The following RPRD2 variants were observed in gnomAD, a reference collection of about 807,000 sequenced individuals.
The protein encoded by RPRD2 is regulation of nuclear pre-mRNA domain containing 2.
Under a neutral mutation model 104.4 loss-of-function variants are expected in RPRD2, and 12 were observed. The ratio of observed to expected loss-of-function variants is 0.11; its 90% CI spans 0.07 to 0.19. The LOEUF is 0.19. RPRD2 is among the 10% of genes least tolerant of loss of function. The probability of loss-of-function intolerance (pLI) is 1.00; values close to 1 mark genes in which losing one functional copy is unlikely to be tolerated. For synonymous variants in RPRD2, 714 were observed against 684.9 expected (o/e 1.04, Z -0.66); for missense variants, 1,543 against 1,790.1 (o/e 0.86, Z 2.49).
In RPRD2 at chr1:150,471,948, C is replaced by A; in HGVS notation, c.3000C>A (p.Thr1000=). Residue 1000 remains threonine, a synonymous_variant, in exon 11 of 11, where the codon ACC becomes ACA. Transcript: ENST00000369068. This position sits in a 1 kb window ranked among gnomAD's most constrained non-coding sequence, Gnocchi z 5.3. ...GCGTGGAGAAAGTCCTGGCCTCCAC[C>A]ATTTCCACCACGTCGACGATTGAAT... is the stretch of plus-strand genomic sequence containing the variant. The part of the protein sequence containing the change: ...TSGVEKVLAS[T]ISTTSTIEFK... 1 of 1,613,950 alleles carries A rather than the reference C, an allele frequency of 6.2e-7. No individual in the cohort carries two copies. The highest frequency in any genetic ancestry group is 1.1e-5 in the South Asian group (1 of 91,084).
At chr1:150,413,453 ATT>A (rs1274883414) in intron 1 of RPRD2, among the ~76,000 whole-genome samples, 1 of 152,124 alleles carries the variant, frequency 6.6e-6, no homozygotes, top group African/African-American at 2.4e-5. Context: ...ATACAAAAAA[ATT>A]AGCTGGGTGC....
chr1:150,406,158 A>G (rs1275761699), intron 1 of RPRD2, among the ~76,000 whole-genome samples: 3 of 152,178 alleles, frequency 2.0e-5, no homozygotes, highest in African/African-American at 7.2e-5. Flanking sequence ...AGTTATGGCC[A>G]CGGTGCTTGA....
At position 150,458,077 on chromosome 1, in the gene RPRD2, G is replaced by A. The variant is rs138344339; in HGVS notation, c.1153+507G>A. On this transcript the variant is annotated intron_variant, in intron 8 of 10. Transcript: ENST00000369068. ...GAGCGAGACTCCGTCTTGGGGGGAC[G>A]GTCGGGGGAAAGTAGCTACTAGCTA... Among the ~76,000 whole-genome samples the A allele has an allele frequency of 1.6e-3, 247 of 152,020 alleles. 1 individual carries two copies. Among genetic ancestry groups the A allele is most frequent in the African/African-American group, 5.6e-3 (231 of 41,500 alleles).
chr1:150,412,600 A>C (rs1664020919), intron 1 of RPRD2, among the ~76,000 whole-genome samples: 1 of 152,140 alleles, frequency 6.6e-6, no homozygotes, highest in Admixed American at 6.5e-5. Flanking sequence ...TGGAACTTTG[A>C]ATTTGAGGGT....
At chr1:150,395,898 G>A (rs1356501283) in intron 1 of RPRD2, among the ~76,000 whole-genome samples, 1 of 152,182 alleles carries the variant, frequency 6.6e-6, no homozygotes, top group African/African-American at 2.4e-5. Flanking sequence ...TCTACTTTTA[G>A]TTCCTTAAGG....
chr1:150,377,553 G>A (rs895698560), intron 1 of RPRD2, among the ~76,000 whole-genome samples: 6 of 149,008 alleles, frequency 4.0e-5, no homozygotes, highest in Non-Finnish European at 8.9e-5. Flanking sequence ...AGCCGAGATC[G>A]TACCACTGCA....
intron 1 of RPRD2, among the ~76,000 whole-genome samples, chr1:150,370,572 C>CT (rs11288735): frequency 0.064 from 6,966 of 109,678 alleles, 746 homozygotes; most frequent in African/African-American, 0.22. Context: ...TCCATTTTGT[C>CT]TTTTTTTTTT....
intron 1 of RPRD2, among the ~76,000 whole-genome samples, chr1:150,388,427 CAT>C: frequency 7.7e-6 from 1 of 129,458 alleles, no homozygotes; most frequent in Non-Finnish European, 1.8e-5. Context: ...TATATATATA[CAT>C]ATATACATGT....
chr1:150,381,283 A>G (rs1445904743), intron 1 of RPRD2, among the ~76,000 whole-genome samples: 1 of 151,318 alleles, frequency 6.6e-6, no homozygotes, highest in Non-Finnish European at 1.5e-5. Flanking sequence ...ATAGGTAGAC[A>G]TGGTGGCGCG....
chr1:150,471,133 C>T lies in RPRD2; in HGVS notation c.2185C>T (p.Arg729Trp), dbSNP rs768540223. The T allele has an allele frequency of 8.7e-6, 14 of 1,613,914 alleles. No individual in the cohort carries two copies. The highest frequency in any genetic ancestry group is 5.0e-5 in the Admixed American group (3 of 60,010). Reference protein sequence around the residue: ...NIDGTPVRDERSGTPTQDEMM... With the variant: ...NIDGTPVRDEWSGTPTQDEMM... ...TGATGGAACCCCTGTACGGGATGAA[C>T]GGAGTGGGACACCCACCCAGGATGA... Residue 729 changes from arginine (R) to tryptophan (W), a missense_variant, in exon 11 of 11, where the codon CGG becomes TGG. Physicochemically the swap from Arg to Trp is moderately radical, Grantham distance 101. Transcript: ENST00000369068. This position sits in a 1 kb window ranked among gnomAD's most constrained non-coding sequence, Gnocchi z 5.3.
At chr1:150,395,864 G>A (rs1183885036) in intron 1 of RPRD2, among the ~76,000 whole-genome samples, 1 of 152,136 alleles carries the variant, frequency 6.6e-6, no homozygotes, top group African/African-American at 2.4e-5. Context: ...ACTCAGTATT[G>A]GGATTGCTGG....
At chr1:150,421,503 A>T (rs372534770) in intron 2 of RPRD2, among the ~76,000 whole-genome samples, 2 of 152,168 alleles carry the variant, frequency 1.3e-5, no homozygotes, top group African/African-American at 2.4e-5. Context: ...GTGGAAGGAT[A>T]AATATCCAAG....
chr1:150,364,839 A>G lies in RPRD2; in HGVS notation c.125A>G (p.Gln42Arg). ...QSVTNTMESI[Q>R]GLSSWCIENK... ...GTAACCAACACCATGGAGTCCATTC[A>G]AGGCTTGTCGTCTTGGTGTATAGAG... The change falls in exon 1 of 11, where the codon CAA (glutamine) becomes CGA (arginine). Residue 42 changes from glutamine to arginine, a missense_variant. Around this residue, in one of 4 missense-constraint regions of RPRD2, gnomAD observed 88 missense variants for 96.6 expected, o/e 0.91. Coordinates refer to ENST00000369068, the MANE Select transcript of RPRD2 (RefSeq NM_015203.5). 1.2e-6 allele frequency: 2 copies of G among 1,613,880 alleles called. No homozygotes were observed. The highest frequency in any genetic ancestry group is 1.7e-6 in the Non-Finnish European group (2 of 1,179,794).
chr1:150,441,028 G>A lies in RPRD2; in HGVS notation c.436+5G>A. 1 of 1,486,836 alleles carries A rather than the reference G, an allele frequency of 6.7e-7. No homozygotes were observed. The allele number at this position is 1,486,836 out of a possible 1,614,324, so 92.1% of individuals were successfully genotyped here. A position where few individuals can be genotyped will look rare whatever the true frequency, so the allele number is the denominator to read the frequency against. On this transcript the variant is annotated splice_donor_5th_base_variant and intron_variant, in intron 3 of 10. Coordinates refer to ENST00000369068, the MANE Select transcript of RPRD2 (RefSeq NM_015203.5). ...TGGCATTGAGAGAAGCTTTGAGTAA[G>A]TGTCTTTTTCTCTCCTAAAAGAAAA... is the stretch of plus-strand genomic sequence containing the variant.
intron 1 of RPRD2, among the ~76,000 whole-genome samples, chr1:150,395,233 A>C (rs1222183152): frequency 1.3e-5 from 2 of 152,178 alleles, no homozygotes; most frequent in African/African-American, 4.8e-5. Context: ...TAGCTCCCAC[A>C]TATGAGTGAG....
chr1:150,407,769 T>C (rs1412406208), intron 1 of RPRD2, among the ~76,000 whole-genome samples: 5 of 152,248 alleles, frequency 3.3e-5, no homozygotes, highest in African/African-American at 1.2e-4. Flanking sequence ...AAGATGTTGT[T>C]TTCTTCTATT....
At chr1:150,384,972 T>G (rs2102149268) in intron 1 of RPRD2, among the ~76,000 whole-genome samples, 1 of 152,124 alleles carries the variant, frequency 6.6e-6, no homozygotes, top group Admixed American at 6.6e-5. Flanking sequence ...ATGATGATTC[T>G]GGCTGTGAAT....
In RPRD2 at chr1:150,364,585, C is replaced by G. The variant is rs1553876788; in HGVS notation, c.-130C>G. 1.7e-6 allele frequency: 1 copy of G among 605,996 alleles called. No homozygotes were observed. Among genetic ancestry groups the G allele is most frequent in the Non-Finnish European group, 2.9e-6 (1 of 345,994 alleles). 37.5% of individuals were successfully genotyped at this position (605,996 alleles called of 1,614,324 possible). On this transcript the variant is annotated 5_prime_UTR_variant, in exon 1 of 11. Coordinates refer to ENST00000369068, the MANE Select transcript of RPRD2 (RefSeq NM_015203.5). ...CCTCCAGAAGAGCCCAGCGCGTGCA[C>G]CATCCCCACCCCCTAGCTTCCCTCC...
At chr1:150,375,240 C>T (rs1553879253) in intron 1 of RPRD2, among the ~76,000 whole-genome samples, 1 of 152,110 alleles carries the variant, frequency 6.6e-6, no homozygotes, top group African/African-American at 2.4e-5. Context: ...CATCCATGGC[C>T]TTAGGTGGGT....
Sources: allele counts gnomAD v4.1 joint callset (sites outside exome capture counted in the v4.1 genomes callset), GRCh38; gene constraint gnomAD v4.1.1; regional missense constraint gnomAD v4.1.1; non-coding constraint Gnocchi (gnomAD v3.1); transcripts MANE v1.5; gene names NCBI Gene and HGNC (gene_info 2026-07-23, HGNC 2026-07-21).